The following SP6 variants were observed in gnomAD, a reference collection of about 807,000 sequenced individuals.
SP6 encodes the protein Sp6 transcription factor.
In SP6, 10 loss-of-function variants were observed where a neutral mutation model predicts 23.4. The observed-to-expected ratio is 0.43, with a 90% CI of 0.26 to 0.72. SP6 has a LOEUF of 0.72. Among genes scored for constraint, SP6 ranks in the 30% least tolerant of loss-of-function variants. The pLI is 0.23. For synonymous variants in SP6, 238 were observed against 238.7 expected (o/e 1.00, Z 0.03); for missense variants, 482 against 523.8 (o/e 0.92, Z 0.78).
At chr17:47,850,707 C>A (rs1232930269) in intron 1 of SP6, among the ~76,000 whole-genome samples, 2 of 152,230 alleles carry the variant, frequency 1.3e-5, no homozygotes, top group Non-Finnish European at 2.9e-5. Context: ...CTGGTTGTCC[C>A]AGTCGCTCCA....
upstream of SP6, among the ~76,000 whole-genome samples, chr17:47,859,453 G>T (rs988543959): frequency 6.6e-6 from 1 of 152,168 alleles, no homozygotes; most frequent in South Asian, 2.1e-4. Flanking sequence ...GCTTCCATGG[G>T]CTTGTTTTCT....
chr17:47,864,505 G>C, the SP6 span: 1 of 151,480 alleles, frequency 6.6e-6, no homozygotes, highest in African/African-American at 2.4e-5. Context: ...CTGGCTTCAA[G>C]TGATCCTCCC....
chr17:47,866,824 T>C, the SP6 span, among the ~76,000 whole-genome samples: 4 of 152,000 alleles, frequency 2.6e-5, no homozygotes, highest in African/African-American at 9.7e-5. Context: ...ATTCCTCTGG[T>C]GGCCATTGGA....
At chr17:47,868,226 T>C in the SP6 span, among the ~76,000 whole-genome samples, 1 of 152,132 alleles carries the variant, frequency 6.6e-6, no homozygotes, top group South Asian at 2.1e-4. Context: ...AAGTGGTCCC[T>C]CACACACTCT....
chr17:47,860,148 G>A (rs2034025511), upstream of SP6, among the ~76,000 whole-genome samples: 1 of 152,062 alleles, frequency 6.6e-6, no homozygotes, highest in Non-Finnish European at 1.5e-5. Flanking sequence ...CTCCCCAGGA[G>A]GCTTCTACTC....
At chr17:47,858,338 A>G (rs1232181482), upstream of SP6, among the ~76,000 whole-genome samples, 2 of 150,744 alleles carry the variant, frequency 1.3e-5, no homozygotes, top group East Asian at 3.9e-4. Context: ...TCTTCCTCCC[A>G]CCCCTAAGCT....
chr17:47,868,091 T>G, the SP6 span, among the ~76,000 whole-genome samples: 1 of 152,090 alleles, frequency 6.6e-6, no homozygotes, highest in East Asian at 1.9e-4. Context: ...CAGACCCCAG[T>G]GCAGGCATAC....
upstream of SP6, among the ~76,000 whole-genome samples, chr17:47,856,214 C>T (rs147214297): frequency 0.014 from 2,166 of 152,308 alleles, 29 homozygotes; most frequent in Non-Finnish European, 0.021. Context: ...CCTCTCTGAG[C>T]CACAATTTCT....
the SP6 span, among the ~76,000 whole-genome samples, chr17:47,873,823 C>G: frequency 7.1e-6 from 1 of 141,472 alleles, no homozygotes; most frequent in African/African-American, 2.6e-5. Flanking sequence ...CTCCCTCCCT[C>G]CCCCCTTCCT....
chr17:47,869,772 T>C, the SP6 span, among the ~76,000 whole-genome samples: 19 of 152,260 alleles, frequency 1.2e-4, no homozygotes, highest in Non-Finnish European at 2.4e-4. Flanking sequence ...GGTAACCTTC[T>C]GTTCCTTGAG....
chr17:47,855,139 G>A (rs550033659), upstream of SP6, among the ~76,000 whole-genome samples: 27 of 152,100 alleles, frequency 1.8e-4, no homozygotes, highest in South Asian at 8.3e-4. Context: ...TACCACCATC[G>A]CTTTTCAGTC....
At chr17:47,873,989 TTCC>T in the SP6 span, among the ~76,000 whole-genome samples, 63 of 150,510 alleles carry the variant, frequency 4.2e-4, no homozygotes, top group Non-Finnish European at 7.7e-4. Context: ...CTTCTTCCTC[TTCC>T]TCTTTTTCTT....
At chr17:47,864,146 C>T in the SP6 span, among the ~76,000 whole-genome samples, 1 of 151,486 alleles carries the variant, frequency 6.6e-6, no homozygotes, top group Non-Finnish European at 1.5e-5. Context: ...GCCTGGCCTA[C>T]ACTGGACTTC....
chr17:47,865,931 C>G, the SP6 span, among the ~76,000 whole-genome samples: 1 of 152,146 alleles, frequency 6.6e-6, no homozygotes, highest in Non-Finnish European at 1.5e-5. Context: ...CTCTCCCCAC[C>G]CCATCTACCC....
At position 47,848,208 on chromosome 17, in the gene SP6, C is replaced by A. The variant is rs780791864; in HGVS notation, c.222G>T (p.Ser74=). The A allele has an allele frequency of 6.2e-7, 1 of 1,612,850 alleles. No homozygotes were observed. The highest frequency in any genetic ancestry group is 1.7e-5 in the Admixed American group (1 of 60,024). ...TTTCCAGGTCCTCGCAGGTTACCCGCGAGGAGGCCCCTGGCAGCTCATAGC... is the reference window on the plus strand; with the variant it reads ...TTTCCAGGTCCTCGCAGGTTACCCGAGAGGAGGCCCCTGGCAGCTCATAGC... ...SQGYELPGAS[S]RVTCEDLESD... Residue 74 remains serine (S), a synonymous_variant, in exon 2 of 2, where the codon TCG becomes TCT. Transcript: ENST00000536300. The surrounding 1 kb of genome is among the most constrained non-coding windows in gnomAD (Gnocchi z 5.3).
chr17:47,851,826 T>C (rs1006411174), upstream of SP6, among the ~76,000 whole-genome samples: 1 of 151,200 alleles, frequency 6.6e-6, no homozygotes, highest in African/African-American at 2.4e-5. Flanking sequence ...CTCTGACCTT[T>C]CTGGGTGACC....
chr17:47,871,810 G>A, the SP6 span, among the ~76,000 whole-genome samples: 2 of 152,046 alleles, frequency 1.3e-5, no homozygotes, highest in Admixed American at 1.3e-4. Context: ...TAGTAGAGAC[G>A]GGGTTTCACC....
At chr17:47,856,389 A>C (rs1325924204), upstream of SP6, among the ~76,000 whole-genome samples, 3 of 152,144 alleles carry the variant, frequency 2.0e-5, no homozygotes, top group Non-Finnish European at 4.4e-5. Context: ...AGGATGGACA[A>C]GAGGTCACCT....
In SP6 at chr17:47,850,350, C is replaced by T. The variant is rs1031582988; in HGVS notation, c.-58+569G>A. Among the ~76,000 whole-genome samples, 12 of 152,200 alleles carry T rather than the reference C, an allele frequency of 7.9e-5. No homozygotes were observed. The East Asian group carries it at 2.3e-3, about 29-fold the overall frequency. On this transcript the variant is annotated intron_variant, in intron 1 of 1. Coordinates refer to ENST00000536300, the MANE Select transcript of SP6 (RefSeq NM_001258248.2). Reference sequence around the variant, plus strand: ...GTGGAAAACTGCCCTGGAGCTGGCTCAGTCTAGCAGAAGATGCAAGACTAA... The same window carrying T: ...GTGGAAAACTGCCCTGGAGCTGGCTTAGTCTAGCAGAAGATGCAAGACTAA...
Sources: gnomAD v4.1 joint callset for allele counts (sites outside exome capture counted in the v4.1 genomes callset) on GRCh38, gnomAD v4.1.1 for gene constraint, Gnocchi (gnomAD v3.1) non-coding constraint, MANE v1.5 for transcripts, NCBI Gene and HGNC (gene_info 2026-07-23, HGNC 2026-07-21) for gene names.